The following ABCA9 variants were observed in gnomAD, a reference collection of about 807,000 sequenced individuals.
The protein encoded by ABCA9 is ATP binding cassette subfamily A member 9.
In ABCA9, 183 loss-of-function variants were observed where a neutral mutation model predicts 205.3. That is an observed-to-expected ratio of 0.89 (90% CI 0.79 to 1.01). The LOEUF is 1.01. Ranked by LOEUF, ABCA9 falls within the 50% of genes least tolerant of loss-of-function variation. The pLI is 0.00. For synonymous variants in ABCA9, 651 were observed against 683.3 expected, an observed-to-expected ratio of 0.95 and a Z score of 0.74; for missense variants, 1,805 against 1,912.4, an observed-to-expected ratio of 0.94 and a Z score of 1.05.
intron 22 of ABCA9, 118 bp from the exon 23 acceptor site, chr17:69,012,201 G>A: frequency 1.6e-6 from 1 of 642,750 alleles, no homozygotes; most frequent in Admixed American, 3.3e-5. Context: ...TGCTTCTCAA[G>A]GTCCTATATG....
intron 32 of ABCA9, 129 bp from the exon 33 acceptor site, chr17:68,985,257 A>G (rs770758250): frequency 8.9e-7 from 1 of 1,128,680 alleles, no homozygotes; most frequent in Non-Finnish European, 1.3e-6. Flanking sequence ...TAAAATTTAA[A>G]CCACCTAGGT....
intron 22 of ABCA9, 65 bp from the exon 23 acceptor site, chr17:69,012,148 A>G (rs1295334619): frequency 1.8e-6 from 2 of 1,129,114 alleles, no homozygotes; most frequent in Non-Finnish European, 2.6e-6. Context: ...GTACTTTCTT[A>G]ACTAAATCAC....
In ABCA9 at chr17:68,976,140, C is replaced by A. The variant is rs1278093148; in HGVS notation, c.4771G>T (p.Glu1591Ter). ...AATCACTAAAAATGACCCACCTGCT[C>A]CAGGGTAGACTGTGAGAGGCTGTAC... ...EEYSLSQSTL[E>*]QVFLELSKEQ... is the part of the protein sequence containing the mutation. Residue 1591 changes from glutamate (E) to a stop codon, truncating the protein, a stop_gained, in exon 38 of 39, where the codon GAG (glutamate) becomes TAG (stop). Transcript: ENST00000340001. LOFTEE classifies it high-confidence loss of function. 2 of 1,613,956 alleles carry A rather than the reference C, an allele frequency of 1.2e-6. No individual in the cohort carries two copies. Among genetic ancestry groups the A allele is most frequent in the Non-Finnish European group, 1.7e-6 (2 of 1,179,854 alleles).
chr17:69,017,559 G>A (rs1041894676), intron 21 of ABCA9, 97 bp downstream of exon 21: 4 of 1,344,658 alleles, frequency 3.0e-6, no homozygotes, highest in Non-Finnish European at 4.1e-6. Context: ...CCATTTGTTT[G>A]TGTGAAATTG....
chr17:69,017,808 T>A lies in ABCA9; in HGVS notation c.2768-19A>T, dbSNP rs1266284903. The A allele has an allele frequency of 2.5e-6, 4 of 1,608,540 alleles. No individual in the cohort carries two copies. ...GTTGACCCTACATGAAGGCAAAGAT[T>A]AAAGGAAGCAAAAATGAAATAAAAC... On this transcript the variant is annotated intron_variant, in intron 20 of 38. Transcript: ENST00000340001.
chr17:69,039,600 A>ATGGTATTG (rs2071467948), intron 6 of ABCA9, among the ~76,000 whole-genome samples: 1 of 152,130 alleles, frequency 6.6e-6, no homozygotes, highest in East Asian at 1.9e-4. Flanking sequence ...AACCTTAAAA[A>ATGGTATTG]CCCTAGAAGA....
At chr17:68,978,889 C>T (rs1480216126) in intron 37 of ABCA9, among the ~76,000 whole-genome samples, 1 of 152,052 alleles carries the variant, frequency 6.6e-6, no homozygotes. Context: ...GACAGGGATG[C>T]CCTCTCTCAC....
intron 1 of ABCA9, 47 bp downstream of exon 1, chr17:69,060,819 T>TTA: frequency 1.0e-6 from 1 of 970,646 alleles, no homozygotes; most frequent in Non-Finnish European, 1.2e-6. Flanking sequence ...TAGTCTTATG[T>TTA]TATATTTCTA....
chr17:68,996,013 A>G lies in ABCA9; in HGVS notation c.3437T>C (p.Val1146Ala). 6.2e-7 allele frequency: 1 copy of G among 1,613,360 alleles called. No homozygotes were observed. Among genetic ancestry groups the G allele is most frequent in the Non-Finnish European group, 8.5e-7 (1 of 1,179,884 alleles). ...AGTAGCAACTATCGAGAAGATGACCACCTAAAACAAATGCACAGTATAGCG... is the reference window on the plus strand; with the variant it reads ...AGTAGCAACTATCGAGAAGATGACCGCCTAAAACAAATGCACAGTATAGCG... ...SGIWSFFFLI[V>A]VIFSIVATDL... The change falls in exon 26 of 39, where the codon GTG (valine) becomes GCG (alanine). Residue 1146 changes from valine (V) to alanine (A), a missense_variant and splice_region_variant. Val to Ala is a moderately conservative substitution (Grantham distance 64). Coordinates refer to ENST00000340001, the MANE Select transcript of ABCA9 (RefSeq NM_080283.4).
intron 37 of ABCA9, among the ~76,000 whole-genome samples, chr17:68,981,618 G>T (rs575157300): frequency 6.6e-6 from 1 of 152,014 alleles, no homozygotes; most frequent in South Asian, 2.1e-4. Flanking sequence ...GTCTCAAGAA[G>T]AATCTCATTA....
rs368784798 is a variant in ABCA9 at position 69,003,703 on chromosome 17, T to A, written c.3435+4056A>T. Among the ~76,000 whole-genome samples, 35 of 151,834 alleles carry A rather than the reference T, an allele frequency of 2.3e-4. 1 individual carries two copies. In the East Asian group the frequency reaches 6.6e-3, roughly 28 times the overall value. On this transcript the variant is annotated intron_variant, in intron 25 of 38. Coordinates refer to ENST00000340001, the MANE Select transcript of ABCA9 (RefSeq NM_080283.4). ...GGGGAAATTCTCCTGGATACTATCCTGCAGAGTGTTTTCCAACTTGGTTCC... is the reference window on the plus strand; with the variant it reads ...GGGGAAATTCTCCTGGATACTATCCAGCAGAGTGTTTTCCAACTTGGTTCC...
the ABCA9 span, among the ~76,000 whole-genome samples, chr17:69,071,531 G>A: frequency 6.6e-6 from 1 of 152,124 alleles, no homozygotes; most frequent in Non-Finnish European, 1.5e-5. Context: ...CTAACAAACA[G>A]AAAACAATAG....
intron 6 of ABCA9, among the ~76,000 whole-genome samples, chr17:69,039,366 A>G (rs1459764287): frequency 1.3e-5 from 2 of 152,070 alleles, no homozygotes; most frequent in Non-Finnish European, 2.9e-5. Flanking sequence ...CAAAACAGAT[A>G]TATAGACAAA....
In ABCA9 at chr17:69,030,090, A is replaced by T. The variant is rs147848501; in HGVS notation, c.1446-863T>A. Among the ~76,000 whole-genome samples the T allele has an allele frequency of 3.5e-3, 538 of 152,374 alleles. 3 individuals carry two copies. The highest frequency in any genetic ancestry group is 0.012 in the African/African-American group (517 of 41,598). On this transcript the variant is annotated intron_variant, in intron 10 of 38. Transcript: ENST00000340001. ...TAAGTGAGTTCAAGGACTACTTACT[A>T]TAAGCCAGATCCAAAGCATTTTGTC...
rs561819838 is a variant in ABCA9 at position 69,001,386 on chromosome 17, T to A, written c.3436-5372A>T. Among the ~76,000 whole-genome samples the A allele has an allele frequency of 7.7e-4, 117 of 151,676 alleles. 1 individual carries two copies. The highest frequency in any genetic ancestry group is 3.4e-3 in the Middle Eastern group (1 of 294). On this transcript the variant is annotated intron_variant, in intron 25 of 38. Transcript: ENST00000340001. ...TCTATTGAGATAATCATGTGGTTTT[T>A]GTCTTTGGCTCTGTTTATATGCTGG...
intron 18 of ABCA9, among the ~76,000 whole-genome samples, 174 bp downstream of exon 18, chr17:69,021,568 A>T (rs1289891806): frequency 6.6e-6 from 1 of 152,140 alleles, no homozygotes; most frequent in African/African-American, 2.4e-5. Flanking sequence ...TTCTTCTCTA[A>T]GTTTTCCCAA....
chr17:69,066,219 C>T, the ABCA9 span, among the ~76,000 whole-genome samples: 11 of 152,144 alleles, frequency 7.2e-5, no homozygotes, highest in Admixed American at 3.3e-4. Context: ...TAAATATACT[C>T]ATTTCTCCCA....
Position 69,008,194 on chromosome 17 carries a change from A to T in ABCA9, c.3189T>A (p.Pro1063=). The change falls in exon 24 of 39, where the codon CCT becomes CCA. Residue 1063 remains proline, a synonymous_variant. Coordinates refer to ENST00000340001, the MANE Select transcript of ABCA9 (RefSeq NM_080283.4). ...HSQLRISGLY[P]SAYWFGQALV... ...GTGCTTGGCCAAACCAGTATGCAGAAGGGTAGAGGCCTGAAATCCGTAGCT... is the reference window on the plus strand; with the variant it reads ...GTGCTTGGCCAAACCAGTATGCAGATGGGTAGAGGCCTGAAATCCGTAGCT... 6.2e-7 allele frequency: 1 copy of T among 1,614,028 alleles called. No homozygotes were observed. The highest frequency in any genetic ancestry group is 8.5e-7 in the Non-Finnish European group (1 of 1,179,966).
chr17:69,020,315 C>A (rs1047817254), intron 19 of ABCA9, 73 bp downstream of exon 19: 1 of 1,383,558 alleles, frequency 7.2e-7, no homozygotes, highest in Non-Finnish European at 9.8e-7. Flanking sequence ...ATCTGAGTTT[C>A]TTTTATGTTT....
Sources: allele counts gnomAD v4.1 joint callset (sites outside exome capture counted in the v4.1 genomes callset), GRCh38; gene constraint gnomAD v4.1.1; transcripts MANE v1.5; gene names NCBI Gene and HGNC (gene_info 2026-07-23, HGNC 2026-07-21).